The following GALNT14 variants were observed in gnomAD, a reference collection of about 807,000 sequenced individuals.
GALNT14 encodes UDP-GalNAc:polypeptide N-acetylgalactosaminyltransferase 14.
A neutral mutation model predicts 77.5 loss-of-function variants in GALNT14; 60 were observed. The observed-to-expected ratio is 0.77, with a 90% CI of 0.63 to 0.96. GALNT14 has a LOEUF of 0.96. GALNT14 is among the 40% of genes least tolerant of loss of function. The pLI is 0.00. For missense variants in GALNT14, 710 were observed against 731.0 expected, an observed-to-expected ratio of 0.97 and a Z score of 0.33; for synonymous variants, 280 against 281.7, an observed-to-expected ratio of 0.99 and a Z score of 0.06.
intron 12 of GALNT14, 41 bp from the exon 13 acceptor site, chr2:30,924,304 A>G (rs1481813684): frequency 3.7e-6 from 6 of 1,607,202 alleles, no homozygotes; most frequent in South Asian, 1.1e-5. Context: ...TCCACTGCTC[A>G]TTGGATTAGC....
chr2:31,091,525 G>A (rs1676738368), intron 1 of GALNT14, among the ~76,000 whole-genome samples: 1 of 152,196 alleles, frequency 6.6e-6, no homozygotes, highest in Non-Finnish European at 1.5e-5. Flanking sequence ...GATCTAGAAT[G>A]AGTCAAGATT....
intron 1 of GALNT14, among the ~76,000 whole-genome samples, chr2:31,043,138 G>C (rs113634385): frequency 0.011 from 1,684 of 152,218 alleles, 31 homozygotes; most frequent in African/African-American, 0.037. Flanking sequence ...CTCTGCTTTA[G>C]TTTTCTCTGC....
chr2:31,041,095 T>G (rs908434553), intron 1 of GALNT14, among the ~76,000 whole-genome samples: 1 of 152,138 alleles, frequency 6.6e-6, no homozygotes. Flanking sequence ...TACAATTCAG[T>G]GCAGCACGTG....
intron 1 of GALNT14, among the ~76,000 whole-genome samples, chr2:31,118,149 G>C (rs1030845307): frequency 1.3e-5 from 2 of 152,040 alleles, no homozygotes; most frequent in Admixed American, 6.6e-5. Context: ...GTGACTAAAG[G>C]GCTACCATTG....
Position 31,114,647 on chromosome 2 carries a change from A to G in GALNT14, c.129+23311T>C, listed in dbSNP as rs1247309028. On this transcript the variant is annotated intron_variant, in intron 1 of 14. Coordinates refer to ENST00000349752, the MANE Select transcript of GALNT14 (RefSeq NM_024572.4). ...AAAAGAAATTTCGAGAACAGACTCT[A>G]AAAACCCAGCTTGTGAATAACAATA... 11 of 654,356 alleles carry G rather than the reference A, an allele frequency of 1.7e-5. 1 individual carries two copies. The highest frequency in any genetic ancestry group is 8.9e-5 in the South Asian group (5 of 56,074). 40.5% of individuals were successfully genotyped at this position (654,356 alleles called of 1,614,324 possible). A position where few individuals can be genotyped will look rare whatever the true frequency, so the allele number is the denominator to read the frequency against.
chr2:31,066,350 C>T (rs527825970), intron 1 of GALNT14, among the ~76,000 whole-genome samples: 1 of 150,130 alleles, frequency 6.7e-6, no homozygotes, highest in East Asian at 2.0e-4. Context: ...GGCTGGGCCT[C>T]GACAGGGCCA....
intron 9 of GALNT14, among the ~76,000 whole-genome samples, chr2:30,935,910 G>A (rs368781081): frequency 9.9e-5 from 15 of 152,168 alleles, no homozygotes; most frequent in East Asian, 9.6e-4. Flanking sequence ...TGATCTTCGA[G>A]GCTGCAGCAC....
intron 1 of GALNT14, chr2:31,079,189 G>T: frequency 1.9e-6 from 1 of 530,422 alleles, no homozygotes; most frequent in Non-Finnish European, 2.8e-6. Context: ...TGTGGAAGTT[G>T]GCTGGACAAG....
rs578215062 is a variant in GALNT14 at position 30,952,552 on chromosome 2, T to C, written c.654+3066A>G. On this transcript the variant is annotated intron_variant, in intron 6 of 14. Coordinates refer to ENST00000349752, the MANE Select transcript of GALNT14 (RefSeq NM_024572.4). ...GCATATTCTCACTCATAAGTGGGAATTGAACAATGAGATCACATGGACACA... is the reference window on the plus strand; with the variant it reads ...GCATATTCTCACTCATAAGTGGGAACTGAACAATGAGATCACATGGACACA... Among the ~76,000 whole-genome samples the C allele has an allele frequency of 5.2e-3, 748 of 142,854 alleles. 6 individuals carry two copies. Among genetic ancestry groups the C allele is most frequent in the African/African-American group, 0.019 (724 of 38,596 alleles). The allele number at this position is 142,854 out of a possible 152,430, so 93.7% of individuals were successfully genotyped here.
At chr2:30,890,923 C>T in the GALNT14 span, among the ~76,000 whole-genome samples, 1 of 152,100 alleles carries the variant, frequency 6.6e-6, no homozygotes, top group Admixed American at 6.6e-5. Context: ...TGAGGCCTGG[C>T]AAGGGCAGGT....
chr2:30,944,293 T>C (rs1441942484), intron 8 of GALNT14, among the ~76,000 whole-genome samples: 2 of 152,194 alleles, frequency 1.3e-5, no homozygotes, highest in Non-Finnish European at 2.9e-5. Context: ...AGCCACAATA[T>C]GCTGTGGGTC....
intron 1 of GALNT14, among the ~76,000 whole-genome samples, chr2:31,019,956 G>A (rs1041451742): frequency 3.3e-5 from 5 of 152,232 alleles, no homozygotes; most frequent in South Asian, 2.1e-4. Context: ...AGGGGCGAGC[G>A]GTGGCTCAGT....
At chr2:31,074,304 G>A (rs988135339) in intron 1 of GALNT14, among the ~76,000 whole-genome samples, 2 of 152,184 alleles carry the variant, frequency 1.3e-5, no homozygotes, top group African/African-American at 2.4e-5. Flanking sequence ...TTCCTCATCT[G>A]TGAAATGGAG....
intron 1 of GALNT14, among the ~76,000 whole-genome samples, chr2:31,060,560 A>G (rs542980404): frequency 6.6e-6 from 1 of 152,322 alleles, no homozygotes; most frequent in East Asian, 1.9e-4. Flanking sequence ...CATTAACTAC[A>G]GTCCTGCTAA....
At chr2:30,920,967 G>C (rs892692973) in intron 13 of GALNT14, among the ~76,000 whole-genome samples, 1 of 152,212 alleles carries the variant, frequency 6.6e-6, no homozygotes, top group Non-Finnish European at 1.5e-5. Context: ...AAGGCAGAGA[G>C]GAGGGGCATC....
chr2:30,912,028 T>C (rs1264215854), intron 14 of GALNT14, among the ~76,000 whole-genome samples, 195 bp downstream of exon 14: 1 of 152,136 alleles, frequency 6.6e-6, no homozygotes, highest in Non-Finnish European at 1.5e-5. Context: ...GGCTGACCAG[T>C]GAGGGTGGAT....
chr2:31,040,506 C>T (rs1015345874), intron 1 of GALNT14, among the ~76,000 whole-genome samples: 4 of 152,204 alleles, frequency 2.6e-5, no homozygotes, highest in Non-Finnish European at 5.9e-5. Flanking sequence ...TGGGGCTCTT[C>T]TCACAGTGCT....
intron 1 of GALNT14, among the ~76,000 whole-genome samples, chr2:31,050,963 C>T (rs1304528948): frequency 2.0e-5 from 3 of 152,056 alleles, no homozygotes; most frequent in Non-Finnish European, 2.9e-5. Flanking sequence ...CAGAGAGGGG[C>T]GTTCTTCCCA....
At chr2:30,924,304 A>C (rs1481813684) in intron 12 of GALNT14, 41 bp from the exon 13 acceptor site, 3 of 1,607,084 alleles carry the variant, frequency 1.9e-6, no homozygotes, top group African/African-American at 2.7e-5. Flanking sequence ...TCCACTGCTC[A>C]TTGGATTAGC....
Sources: gnomAD v4.1 joint callset for allele counts (sites outside exome capture counted in the v4.1 genomes callset) on GRCh38, gnomAD v4.1.1 for gene constraint, MANE v1.5 for transcripts, NCBI Gene and HGNC (gene_info 2026-07-23, HGNC 2026-07-21) for gene names.